GPC5: variants seen among roughly 807,000 people sequenced by gnomAD.
GPC5 encodes glypican 5, also known as glypican-5.
In GPC5, 47 loss-of-function variants were observed where a neutral mutation model predicts 53.9. That is an observed-to-expected ratio of 0.87 (90% CI 0.69 to 1.11). The LOEUF is 1.11. Among genes scored for constraint, GPC5 ranks in the 50% most tolerant of loss-of-function variants. The pLI, the probability that GPC5 is intolerant of heterozygous loss-of-function variation, is 0.00. For synonymous variants in GPC5, 286 were observed against 263.3 expected (o/e 1.09, Z -0.84); for missense variants, 748 against 713.1 (o/e 1.05, Z -0.56).
intron 6 of GPC5, among the ~76,000 whole-genome samples, chr13:92,015,459 TCTC>T (rs1224053142): frequency 6.6e-6 from 1 of 152,072 alleles, no homozygotes; most frequent in Non-Finnish European, 1.5e-5. Flanking sequence ...AGGTCCCTCT[TCTC>T]CTACAAAAGG....
At chr13:92,614,080 T>C (rs1246353379) in intron 7 of GPC5, among the ~76,000 whole-genome samples, 5 of 152,190 alleles carry the variant, frequency 3.3e-5, no homozygotes, top group Non-Finnish European at 5.9e-5. Flanking sequence ...TATGCAAGAA[T>C]TTTTAAGATA....
At chr13:92,321,201 A>T (rs781493698) in intron 7 of GPC5, among the ~76,000 whole-genome samples, 1 of 152,234 alleles carries the variant, frequency 6.6e-6, no homozygotes, top group Non-Finnish European at 1.5e-5. Flanking sequence ...TGTTATAGCA[A>T]TGCATTTCTA....
chr13:91,486,356 A>G (rs1002044828), intron 2 of GPC5: 2 of 152,226 alleles, frequency 1.3e-5, no homozygotes, highest in African/African-American at 4.8e-5. Context: ...CTTCTTAACT[A>G]GACATTGGCC....
chr13:92,509,061 AATAT>A (rs1880473188), intron 7 of GPC5, among the ~76,000 whole-genome samples: 1 of 152,182 alleles, frequency 6.6e-6, no homozygotes, highest in Non-Finnish European at 1.5e-5. Context: ...ATAAATATGT[AATAT>A]ATGCCAGATA....
chr13:91,853,171 G>C (rs1180282604), intron 5 of GPC5, among the ~76,000 whole-genome samples: 1 of 152,000 alleles, frequency 6.6e-6, no homozygotes. Context: ...ATAGTAAGTT[G>C]ATATTAAATT....
intron 2 of GPC5, among the ~76,000 whole-genome samples, chr13:91,564,121 C>G (rs2031419473): frequency 6.6e-6 from 1 of 152,176 alleles, no homozygotes. Context: ...CACCCAATGC[C>G]TTGCTAACAC....
In GPC5 at chr13:92,007,913, A is replaced by G. The variant is rs144089149; in HGVS notation, c.1401+99856A>G. 6.4e-3 allele frequency among the ~76,000 whole-genome samples: 964 copies of G among 151,620 alleles called. 3 individuals carry two copies. Among genetic ancestry groups the G allele is most frequent in the Non-Finnish European group, 0.011 (741 of 67,874 alleles). On this transcript the variant is annotated intron_variant, in intron 6 of 7. Transcript: ENST00000377067. ...CACCTTCACATATGAGGACTCCAAA[A>G]CTCTATACTTCCGTTTCCACTTTAC...
intron 6 of GPC5, among the ~76,000 whole-genome samples, chr13:91,960,545 A>G (rs1382093407): frequency 6.6e-6 from 1 of 152,030 alleles, no homozygotes; most frequent in African/African-American, 2.4e-5. Flanking sequence ...CATTTTACAT[A>G]GAAATAGAAA....
At chr13:91,645,690 GT>G (rs1207390293) in intron 2 of GPC5, among the ~76,000 whole-genome samples, 1 of 152,164 alleles carries the variant, frequency 6.6e-6, no homozygotes. Context: ...CTGAAGTCTA[GT>G]CAGTCATCCA....
intron 7 of GPC5, among the ~76,000 whole-genome samples, chr13:92,230,393 TGAG>T (rs2042521347): frequency 6.6e-6 from 1 of 152,150 alleles, no homozygotes; most frequent in Admixed American, 6.5e-5. Context: ...CAATTTGTTT[TGAG>T]GAGAATATCT....
chr13:91,486,311 G>T (rs887133233), intron 2 of GPC5: 4 of 152,112 alleles, frequency 2.6e-5, no homozygotes, highest in Admixed American at 6.5e-5. Flanking sequence ...ACATTACCCT[G>T]CAGTTGACAA....
At chr13:92,220,135 G>A (rs1216368783) in intron 7 of GPC5, among the ~76,000 whole-genome samples, 4 of 152,150 alleles carry the variant, frequency 2.6e-5, no homozygotes, top group Non-Finnish European at 4.4e-5. Context: ...GTTCAATGCA[G>A]TAGTGTTCTG....
At chr13:91,941,403 C>T (rs2039925862) in intron 6 of GPC5, among the ~76,000 whole-genome samples, 1 of 151,834 alleles carries the variant, frequency 6.6e-6, no homozygotes, top group Non-Finnish European at 1.5e-5. Flanking sequence ...TATTTATTTC[C>T]CTTCAGGTAT....
intron 1 of GPC5, among the ~76,000 whole-genome samples, chr13:91,426,277 C>A (rs1250930656): frequency 6.6e-6 from 1 of 151,898 alleles, no homozygotes; most frequent in Non-Finnish European, 1.5e-5. Flanking sequence ...GGCCTGGAGT[C>A]CTACAGGGGA....
chr13:92,628,207 C>A (rs902709691), intron 7 of GPC5, among the ~76,000 whole-genome samples: 4 of 137,532 alleles, frequency 2.9e-5, no homozygotes, highest in Admixed American at 7.3e-5. Flanking sequence ...TATATCAGGT[C>A]TTTTTAAATC....
At chr13:92,640,223 C>T (rs1885546808) in intron 7 of GPC5, among the ~76,000 whole-genome samples, 1 of 151,706 alleles carries the variant, frequency 6.6e-6, no homozygotes, top group South Asian at 2.1e-4. Flanking sequence ...GCACTAATAC[C>T]TTAAGACCCA....
intron 7 of GPC5, among the ~76,000 whole-genome samples, chr13:92,310,242 T>G (rs1310672122): frequency 1.3e-5 from 2 of 152,170 alleles, no homozygotes; most frequent in African/African-American, 4.8e-5. Flanking sequence ...CCCCTCTAAA[T>G]AACAATCTAT....
At chr13:91,790,175 A>G (rs1396299545) in intron 5 of GPC5, among the ~76,000 whole-genome samples, 1 of 152,200 alleles carries the variant, frequency 6.6e-6, no homozygotes, top group Non-Finnish European at 1.5e-5. Context: ...AGCAGCCATT[A>G]TAACAGGTGT....
At chr13:92,431,544 A>G (rs878884808) in intron 7 of GPC5, among the ~76,000 whole-genome samples, 1 of 152,160 alleles carries the variant, frequency 6.6e-6, no homozygotes, top group African/African-American at 2.4e-5. Flanking sequence ...TATGAAAAAC[A>G]TTGATATAAT....
Sources: gnomAD v4.1 joint callset for allele counts (sites outside exome capture counted in the v4.1 genomes callset) on GRCh38, gnomAD v4.1.1 for gene constraint, MANE v1.5 for transcripts, NCBI Gene and HGNC (gene_info 2026-07-23, HGNC 2026-07-21) for gene names.